Variants in CLOCK observed in about 807,000 individuals in gnomAD.
The protein encoded by CLOCK is circadian locomoter output cycles protein kaput.
A neutral mutation model predicts 118.4 loss-of-function variants in CLOCK; 43 were observed. That is an observed-to-expected ratio of 0.36 (90% CI 0.28 to 0.47). The LOEUF (loss-of-function observed/expected upper bound fraction) is 0.47. Among genes scored for constraint, CLOCK ranks in the 20% least tolerant of loss-of-function variants. CLOCK has a pLI of 1.00. For missense variants in CLOCK, 846 were observed against 999.9 expected (o/e 0.85, Z 2.08); for synonymous variants, 326 against 339.2 (o/e 0.96, Z 0.43).
chr4:55,463,229 TTTAA>T (rs533377903), intron 9 of CLOCK, among the ~76,000 whole-genome samples: 5,505 of 78,586 alleles, frequency 0.07, 111 homozygotes, highest in Non-Finnish European at 0.11. Context: ...CAAATGACTG[TTTAA>T]TTGTTTAATA....
intron 1 of CLOCK, among the ~76,000 whole-genome samples, chr4:55,527,669 C>G (rs1730292868): frequency 1.3e-5 from 2 of 151,992 alleles, no homozygotes; most frequent in South Asian, 4.1e-4. Flanking sequence ...TTTGAAAAAG[C>G]TGAATATGAA....
chr4:55,496,175 C>T (rs1182433071), intron 2 of CLOCK, among the ~76,000 whole-genome samples: 4 of 150,558 alleles, frequency 2.7e-5, no homozygotes, highest in Admixed American at 1.3e-4. Flanking sequence ...GGTGACAGAG[C>T]GAGAGGTCGT....
intron 9 of CLOCK, among the ~76,000 whole-genome samples, chr4:55,461,187 C>G (rs1725317730): frequency 1.3e-5 from 2 of 152,162 alleles, no homozygotes; most frequent in African/African-American, 4.8e-5. Flanking sequence ...CTTGGCCTCC[C>G]AAAGTGCTGA....
Position 55,435,072 on chromosome 4 carries a change from G to A in CLOCK, c.*343C>T, listed in dbSNP as rs1362221074. ...GATAAGAGGCACAGAACCACTAAAA[G>A]TTACTAACATCATTAGTGCCTTTCT... is the stretch of plus-strand genomic sequence containing the variant. On this transcript the variant is annotated 3_prime_UTR_variant, in exon 23 of 23. Coordinates refer to ENST00000513440, the MANE Select transcript of CLOCK (RefSeq NM_004898.4). 1 of 343,604 alleles carries A rather than the reference G, an allele frequency of 2.9e-6. No individual in the cohort carries two copies. The highest frequency in any genetic ancestry group is 7.3e-5 in the East Asian group (1 of 13,684). The allele number at this position is 343,604 out of a possible 1,614,324, so 21.3% of individuals were successfully genotyped here.
At chr4:55,486,880 T>G (rs1305290399) in intron 3 of CLOCK, among the ~76,000 whole-genome samples, 1 of 152,180 alleles carries the variant, frequency 6.6e-6, no homozygotes, top group Non-Finnish European at 1.5e-5. Flanking sequence ...AACTGGTAAC[T>G]CATGTCCTCT....
chr4:55,526,631 G>A (rs1394994637), intron 1 of CLOCK, among the ~76,000 whole-genome samples: 1 of 151,910 alleles, frequency 6.6e-6, no homozygotes, highest in African/African-American at 2.4e-5. Flanking sequence ...CTGGGGAAAA[G>A]GTGCAGTGTA....
Position 55,515,879 on chromosome 4 carries a change from A to C in CLOCK, c.-289-5814T>G, listed in dbSNP as rs1729478637. The stretch of plus-strand genomic sequence containing the variant: ...TGTTAAGTTGTTTTCATTTTCATTT[A>C]GTTCAAAACATTTTTAGATTTCTCT... On this transcript the variant is annotated intron_variant, in intron 1 of 22. Transcript: ENST00000513440. Among the ~76,000 whole-genome samples the C allele has an allele frequency of 2.0e-5, 3 of 152,132 alleles. No individual in the cohort carries two copies. The South Asian group carries it at 6.2e-4, about 31-fold the overall frequency.
Position 55,435,429 on chromosome 4 carries a change from C to T in CLOCK, c.2527G>A (p.Val843Ile), listed in dbSNP as rs1355839432. 2 of 1,613,898 alleles carry T rather than the reference C, an allele frequency of 1.2e-6. No homozygotes were observed. Among genetic ancestry groups the T allele is most frequent in the Non-Finnish European group, 8.5e-7 (1 of 1,179,866 alleles). Residue 843 changes from valine to isoleucine, a missense_variant, in exon 23 of 23, where the codon GTT becomes ATT. Around this residue, in one of 4 missense-constraint regions of CLOCK, gnomAD observed 520 missense variants for 558.0 expected, o/e 0.93. Transcript: ENST00000513440. ...RTDSLPDPSKVQPQ is the reference protein window; with the variant it reads ...RTDSLPDPSKIQPQ Reference sequence around the variant, plus strand: ...AAGCACGTGTGCTACTGTGGTTGAACCTTGGAAGGGTCGGGCAAGCTGTCA... The same window carrying T: ...AAGCACGTGTGCTACTGTGGTTGAATCTTGGAAGGGTCGGGCAAGCTGTCA...
intron 1 of CLOCK, among the ~76,000 whole-genome samples, chr4:55,511,330 T>C (rs557138557): frequency 6.6e-5 from 10 of 152,320 alleles, no homozygotes; most frequent in Admixed American, 3.9e-4. Flanking sequence ...TTAATTTTCT[T>C]GTACTGACAA....
chr4:55,478,093 GTT>G (rs1346643615), intron 6 of CLOCK, among the ~76,000 whole-genome samples: 9 of 151,842 alleles, frequency 5.9e-5, no homozygotes, highest in South Asian at 4.2e-4. Context: ...ACTGTCCTGA[GTT>G]TTACAGTTTC....
At chr4:55,522,094 ATTTC>A (rs1378460324) in intron 1 of CLOCK, among the ~76,000 whole-genome samples, 3 of 152,218 alleles carry the variant, frequency 2.0e-5, no homozygotes, top group Admixed American at 6.5e-5. Flanking sequence ...GTTATACCGG[ATTTC>A]TTTCTTACCA....
chr4:55,524,032 AC>A (rs1730011871), intron 1 of CLOCK, among the ~76,000 whole-genome samples: 1 of 152,188 alleles, frequency 6.6e-6, no homozygotes, highest in Non-Finnish European at 1.5e-5. Flanking sequence ...GCATGCAGAC[AC>A]CATAAAAGAC....
At chr4:55,525,503 A>G (rs1387858881) in intron 1 of CLOCK, among the ~76,000 whole-genome samples, 1 of 151,770 alleles carries the variant, frequency 6.6e-6, no homozygotes, top group Admixed American at 6.6e-5. Context: ...TAAATGAATA[A>G]TAAACATTTT....
chr4:55,466,591 G>A (rs1725753381), intron 8 of CLOCK, among the ~76,000 whole-genome samples: 1 of 152,064 alleles, frequency 6.6e-6, no homozygotes, highest in South Asian at 2.1e-4. Flanking sequence ...TCTTATCCTT[G>A]TTTTTTCATC....
intron 8 of CLOCK, among the ~76,000 whole-genome samples, chr4:55,469,868 T>C (rs1323610123): frequency 1.3e-5 from 2 of 152,008 alleles, no homozygotes; most frequent in African/African-American, 4.8e-5. Flanking sequence ...ACCACGACAC[T>C]TGGCTAATTT....
intron 18 of CLOCK, among the ~76,000 whole-genome samples, chr4:55,446,270 T>A (rs1723841660): frequency 6.6e-6 from 1 of 151,970 alleles, no homozygotes; most frequent in Non-Finnish European, 1.5e-5. Flanking sequence ...ATGTTTTTTT[T>A]AAGAGATGGG....
At chr4:55,477,797 T>C (rs1726622394) in intron 6 of CLOCK, among the ~76,000 whole-genome samples, 1 of 151,554 alleles carries the variant, frequency 6.6e-6, no homozygotes. Context: ...GAATGTCACA[T>C]TTAGAGGGTA....
rs1056547 is a variant in CLOCK, at chr4:55,430,596, T to C, written c.*4819A>G. ...CTATTTTTTTCCTTTAACCAAAGTA[T>C]TCTTTTTCTCAGTCCTTTTTGTGCA... On this transcript the variant is annotated 3_prime_UTR_variant, in exon 23 of 23. Coordinates refer to ENST00000513440, the MANE Select transcript of CLOCK (RefSeq NM_004898.4). 1 of 152,004 alleles carries C rather than the reference T, an allele frequency of 6.6e-6. No individual in the cohort carries two copies. Among genetic ancestry groups the C allele is most frequent in the Non-Finnish European group, 1.5e-5 (1 of 67,986 alleles). 9.4% of individuals were successfully genotyped at this position (152,004 alleles called of 1,614,324 possible).
chr4:55,499,667 C>T (rs62303731), intron 2 of CLOCK, among the ~76,000 whole-genome samples: 37,450 of 152,116 alleles, frequency 0.25, 4,937 homozygotes, highest in South Asian at 0.37. Context: ...CAGTACCAAT[C>T]GTTGTTTCAG....
Sources: allele counts gnomAD v4.1 joint callset (sites outside exome capture counted in the v4.1 genomes callset), GRCh38; gene constraint gnomAD v4.1.1; regional missense constraint gnomAD v4.1.1; transcripts MANE v1.5; gene names NCBI Gene and HGNC (gene_info 2026-07-23, HGNC 2026-07-21).